The following DAB1 variants were observed in gnomAD, a reference collection of about 807,000 sequenced individuals.
DAB1 encodes the protein DAB adaptor protein 1, also known as disabled homolog 1.
A neutral mutation model predicts 64.6 loss-of-function variants in DAB1; 15 were observed. The ratio of observed to expected loss-of-function variants is 0.23; its 90% confidence interval spans 0.16 to 0.36. The LOEUF (loss-of-function observed/expected upper bound fraction) is 0.36, where lower values mean the gene tolerates loss of function less well. Among genes scored for constraint, DAB1 ranks in the 10% least tolerant of loss-of-function variants. The pLI is 1.00. For missense variants in DAB1, 596 were observed against 706.7 expected, an observed-to-expected ratio of 0.84 and a Z score of 1.78; for synonymous variants, 235 against 251.9, an observed-to-expected ratio of 0.93 and a Z score of 0.64.
intron 1 of DAB1, among the ~76,000 whole-genome samples, chr1:57,843,316 A>C (rs1653136028): frequency 6.6e-6 from 1 of 152,132 alleles, no homozygotes; most frequent in African/African-American, 2.4e-5. Context: ...ACACAATAGC[A>C]AGAATGTAGG....
At chr1:58,428,404 C>T (rs1343324402) in intron 3 of DAB1, among the ~76,000 whole-genome samples, 5 of 152,204 alleles carry the variant, frequency 3.3e-5, no homozygotes, top group Non-Finnish European at 7.3e-5. Context: ...CAGAATGTGA[C>T]AAACTCCTAA....
intron 4 of DAB1, among the ~76,000 whole-genome samples, chr1:58,339,090 G>T (rs1663191232): frequency 1.3e-5 from 2 of 152,268 alleles, no homozygotes; most frequent in South Asian, 4.2e-4. Context: ...CCGAGAAGTA[G>T]TATCTGCACA....
intron 7 of DAB1, among the ~76,000 whole-genome samples, chr1:57,449,044 C>T (rs17459948): frequency 0.65 from 98,250 of 151,922 alleles, 32,287 homozygotes; most frequent in East Asian, 0.96. Context: ...TGAGTAAACA[C>T]TCACCCCATC....
intron 6 of DAB1, among the ~76,000 whole-genome samples, chr1:57,666,960 C>T (rs919422357): frequency 7.2e-5 from 11 of 151,938 alleles, no homozygotes; most frequent in East Asian, 1.9e-4. Flanking sequence ...GGCTAGAAAA[C>T]GCCTACCTTG....
chr1:57,378,699 CT>C (rs1681108603), intron 1 of DAB1, among the ~76,000 whole-genome samples: 1 of 152,126 alleles, frequency 6.6e-6, no homozygotes, highest in Non-Finnish European at 1.5e-5. Context: ...CAACATATGC[CT>C]TTGTGTGAGT....
At chr1:57,995,338 G>A (rs1172495039) in intron 5 of DAB1, among the ~76,000 whole-genome samples, 3 of 152,140 alleles carry the variant, frequency 2.0e-5, no homozygotes, top group African/African-American at 7.2e-5. Context: ...ACAGACTGAT[G>A]AATAATCCCA....
At chr1:57,031,302 A>T (rs1646959693) in intron 9 of DAB1, among the ~76,000 whole-genome samples, 1 of 152,200 alleles carries the variant, frequency 6.6e-6, no homozygotes, top group Non-Finnish European at 1.5e-5. Flanking sequence ...ATCTATTTTC[A>T]CAGGCCTCCT....
intron 4 of DAB1, among the ~76,000 whole-genome samples, chr1:58,212,862 T>C (rs911615472): frequency 1.3e-5 from 2 of 152,162 alleles, no homozygotes; most frequent in African/African-American, 2.4e-5. Flanking sequence ...TAAAAACTTT[T>C]AGTTAAATAA....
intron 3 of DAB1, among the ~76,000 whole-genome samples, chr1:58,413,004 C>G (rs187502088): frequency 6.6e-6 from 1 of 152,130 alleles, no homozygotes; most frequent in Non-Finnish European, 1.5e-5. Flanking sequence ...TAAGGAGTCC[C>G]GAATTTCTGG....
At chr1:57,381,836 T>G (rs923250540) in intron 1 of DAB1, among the ~76,000 whole-genome samples, 3 of 152,168 alleles carry the variant, frequency 2.0e-5, no homozygotes, top group African/African-American at 4.8e-5. Context: ...TCAGAGCTGA[T>G]GGTGTGAAAT....
At chr1:57,522,331 C>T (rs1448309852) in intron 7 of DAB1, among the ~76,000 whole-genome samples, 3 of 152,072 alleles carry the variant, frequency 2.0e-5, no homozygotes, top group African/African-American at 7.2e-5. Flanking sequence ...TTTGGTAGCT[C>T]CAGAAACCCT....
At chr1:58,312,572 C>T (rs968162701) in intron 4 of DAB1, among the ~76,000 whole-genome samples, 1 of 152,232 alleles carries the variant, frequency 6.6e-6, no homozygotes, top group Non-Finnish European at 1.5e-5. Flanking sequence ...TGTAAGAACT[C>T]GGTCAGAAAT....
Position 57,522,140 on chromosome 1 carries a change from A to G in DAB1, n.625+127452T>C, listed in dbSNP as rs1243060135. On this transcript the variant is annotated intron_variant and non_coding_transcript_variant, in intron 7 of 20. Transcript: ENST00000485760. ...AAAAAGAGCCCATTAACCCCGGTGC[A>G]TCTCAGAAAGAGCTGGTATTTGGAG... is the stretch of plus-strand genomic sequence containing the variant. 6.6e-5 allele frequency among the ~76,000 whole-genome samples: 10 copies of G among 152,190 alleles called. 1 individual carries two copies. The highest frequency in any genetic ancestry group is 6.2e-4 in the South Asian group (3 of 4,816).
chr1:57,991,832 T>G, intron 5 of DAB1, among the ~76,000 whole-genome samples: 1 of 100,838 alleles, frequency 9.9e-6, no homozygotes, highest in Admixed American at 1.6e-4. Context: ...GGCAACAGAT[T>G]GAGGCTCTGT....
chr1:57,722,845 C>T lies in DAB1; in HGVS notation n.552-73180G>A, dbSNP rs112925764. 7.7e-3 allele frequency among the ~76,000 whole-genome samples: 1,171 copies of T among 152,198 alleles called. 15 individuals are homozygous for T. Among genetic ancestry groups the T allele is most frequent in the African/African-American group, 0.026 (1,093 of 41,528 alleles). The stretch of plus-strand genomic sequence containing the variant: ...TACATTGAGCAGGAGTAGCTTTGGG[C>T]CTGTGGGACTCAGATCATCTGAGTT... On this transcript the variant is annotated intron_variant and non_coding_transcript_variant, in intron 6 of 20. Coordinates refer to the DAB1 transcript ENST00000485760.
At chr1:58,225,426 T>C (rs564365750) in intron 4 of DAB1, among the ~76,000 whole-genome samples, 96 of 151,890 alleles carry the variant, frequency 6.3e-4, no homozygotes, top group African/African-American at 2.1e-3. Flanking sequence ...GATCTAGAAC[T>C]AGAAATACCA....
rs529349284 is a variant in DAB1, at chr1:57,706,782, T to C, written n.552-57117A>G. Among the ~76,000 whole-genome samples, 6 of 152,092 alleles carry C rather than the reference T, an allele frequency of 3.9e-5. No individual in the cohort carries two copies. The South Asian group carries it at 1.2e-3, about 32-fold the overall frequency. ...CATGTATTAACCACCCCAATTAAGA[T>C]ACATTCCAGGCCGGGCGCGGTGGCT... On this transcript the variant is annotated intron_variant and non_coding_transcript_variant, in intron 6 of 20. Coordinates refer to the DAB1 transcript ENST00000485760.
At chr1:57,513,352 A>G (rs1202891746) in intron 7 of DAB1, among the ~76,000 whole-genome samples, 1 of 152,012 alleles carries the variant, frequency 6.6e-6, no homozygotes, top group Non-Finnish European at 1.5e-5. Context: ...CATTTCCTTA[A>G]TGAGGTCCCT....
At chr1:58,427,625 G>A (rs1445257275) in intron 3 of DAB1, among the ~76,000 whole-genome samples, 1 of 152,182 alleles carries the variant, frequency 6.6e-6, no homozygotes, top group African/African-American at 2.4e-5. Context: ...GGAGAGCCAA[G>A]GATAGTTCCA....
Sources: allele counts gnomAD v4.1 joint callset (sites outside exome capture counted in the v4.1 genomes callset), GRCh38; gene constraint gnomAD v4.1.1; transcripts MANE v1.5; gene names NCBI Gene and HGNC (gene_info 2026-07-23, HGNC 2026-07-21).